The following MTHFD1L variants were observed in gnomAD, a reference collection of about 807,000 sequenced individuals.
MTHFD1L encodes the protein monofunctional C1-tetrahydrofolate synthase, mitochondrial.
A neutral mutation model predicts 119.5 loss-of-function variants in MTHFD1L; 81 were observed. That is an observed-to-expected ratio of 0.68 (90% CI 0.57 to 0.82). The LOEUF (loss-of-function observed/expected upper bound fraction) is 0.82. Among genes scored for constraint, MTHFD1L ranks in the 40% least tolerant of loss-of-function variants. The pLI is 0.00. For synonymous variants in MTHFD1L, 430 were observed against 475.2 expected (o/e 0.90, Z 1.24); for missense variants, 1,125 against 1,253.4 (o/e 0.90, Z 1.55).
chr6:151,015,803 T>C, intron 24 of MTHFD1L, 110 bp downstream of exon 24: 1 of 1,338,744 alleles, frequency 7.5e-7, no homozygotes. Context: ...TAGAAGAGTT[T>C]AGGCCCGGTG....
chr6:150,866,459 C>G, intron 1 of MTHFD1L: 1 of 1,321,178 alleles, frequency 7.6e-7, no homozygotes, highest in Non-Finnish European at 9.6e-7. Flanking sequence ...GGGGCTGCGG[C>G]TCGGCGCGCC....
chr6:150,996,346 TC>T (rs1247614623), intron 20 of MTHFD1L, among the ~76,000 whole-genome samples: 2 of 152,106 alleles, frequency 1.3e-5, no homozygotes, highest in Non-Finnish European at 2.9e-5. Context: ...AGGTCATCTT[TC>T]CTTTTTTTGC....
intron 26 of MTHFD1L, among the ~76,000 whole-genome samples, chr6:151,067,920 A>G (rs1413083714): frequency 6.6e-6 from 1 of 152,208 alleles, no homozygotes; most frequent in Non-Finnish European, 1.5e-5. Context: ...TGTCTCACGT[A>G]ATGCATGTGG....
intron 6 of MTHFD1L, among the ~76,000 whole-genome samples, chr6:150,885,984 A>T (rs766942555): frequency 3.3e-5 from 5 of 152,222 alleles, no homozygotes; most frequent in Non-Finnish European, 7.3e-5. Context: ...CATCTTATAA[A>T]TTAAAAGAGA....
intron 1 of MTHFD1L, among the ~76,000 whole-genome samples, chr6:150,869,507 C>T (rs1427527098): frequency 6.6e-6 from 1 of 152,138 alleles, no homozygotes; most frequent in African/African-American, 2.4e-5. Flanking sequence ...GACATGAACT[C>T]ATGCTTTCTT....
chr6:150,956,334 C>T (rs1382697708), intron 17 of MTHFD1L, among the ~76,000 whole-genome samples: 3 of 152,232 alleles, frequency 2.0e-5, no homozygotes, highest in Middle Eastern at 3.4e-3. Context: ...AAGAGCCACT[C>T]AGGGTATTCT....
At chr6:150,948,838 T>A (rs13191693) in intron 15 of MTHFD1L, among the ~76,000 whole-genome samples, 193 bp from the exon 16 acceptor site, 30,790 of 132,050 alleles carry the variant, frequency 0.23, 5,715 homozygotes, top group East Asian at 0.42. Context: ...ATGGGGTTTC[T>A]CCATGTTGGT....
chr6:151,016,296 T>C (rs545984730), intron 24 of MTHFD1L, among the ~76,000 whole-genome samples: 2 of 152,138 alleles, frequency 1.3e-5, no homozygotes, highest in East Asian at 1.9e-4. Flanking sequence ...TTCGTGAGGA[T>C]TGGGAAACCA....
At position 150,914,125 on chromosome 6, in the gene MTHFD1L, G is replaced by A. The variant is rs373088230; in HGVS notation, c.893-4452G>A. Reference sequence around the variant, plus strand: ...AGCCTGGGCGACAGAGCAACAGTCCGTCTCAAAAACAAAAAACAAAAATTA... The same window carrying A: ...AGCCTGGGCGACAGAGCAACAGTCCATCTCAAAAACAAAAAACAAAAATTA... On this transcript the variant is annotated intron_variant, in intron 8 of 27. Coordinates refer to ENST00000367321, the MANE Select transcript of MTHFD1L (RefSeq NM_015440.5). Among the ~76,000 whole-genome samples, 50 of 151,126 alleles carry A rather than the reference G, an allele frequency of 3.3e-4. No individual in the cohort carries two copies. In the East Asian group the frequency reaches 4.7e-3, roughly 14 times the overall value.
chr6:150,871,090 C>T (rs962395466), intron 1 of MTHFD1L, among the ~76,000 whole-genome samples: 5 of 142,608 alleles, frequency 3.5e-5, no homozygotes, highest in Non-Finnish European at 7.6e-5. Context: ...TATATATATA[C>T]ACACCTTAAT....
At chr6:150,903,207 T>TCC (rs1785350690) in intron 7 of MTHFD1L, among the ~76,000 whole-genome samples, 2 of 92,798 alleles carry the variant, frequency 2.2e-5, no homozygotes, top group African/African-American at 9.3e-5. Context: ...TGCAAAATTT[T>TCC]TTTTTTTTTT....
chr6:151,023,750 A>G (rs1231297786), intron 24 of MTHFD1L, among the ~76,000 whole-genome samples: 1 of 152,208 alleles, frequency 6.6e-6, no homozygotes, highest in Non-Finnish European at 1.5e-5. Context: ...ACTATGATGT[A>G]AGTTTCTAGA....
chr6:151,054,732 G>A (rs1468670870), intron 26 of MTHFD1L, among the ~76,000 whole-genome samples: 1 of 152,068 alleles, frequency 6.6e-6, no homozygotes, highest in African/African-American at 2.4e-5. Context: ...ATCCAAAAAA[G>A]ACCCATCAAA....
intron 19 of MTHFD1L, among the ~76,000 whole-genome samples, chr6:150,966,841 GA>G (rs1352016867): frequency 4.6e-5 from 7 of 151,972 alleles, no homozygotes; most frequent in Admixed American, 4.6e-4. Context: ...AAAGGGAATA[GA>G]AAAAAATGGG....
chr6:150,920,354 G>C (rs1421911283), intron 9 of MTHFD1L, among the ~76,000 whole-genome samples: 1 of 152,142 alleles, frequency 6.6e-6, no homozygotes, highest in African/African-American at 2.4e-5. Flanking sequence ...CATATAAGCT[G>C]AGTGTTCTCA....
chr6:150,976,735 G>A (rs1453527037), intron 20 of MTHFD1L, among the ~76,000 whole-genome samples: 1 of 152,186 alleles, frequency 6.6e-6, no homozygotes, highest in South Asian at 2.1e-4. Flanking sequence ...GGAAAGAAAC[G>A]TTTGCAAAGA....
intron 26 of MTHFD1L, among the ~76,000 whole-genome samples, chr6:151,077,296 G>GA (rs1174480577): frequency 6.6e-6 from 1 of 152,060 alleles, no homozygotes; most frequent in Non-Finnish European, 1.5e-5. Context: ...TTCAGAGGGG[G>GA]AAAAAACAAA....
chr6:150,936,339 G>A (rs767514499), intron 11 of MTHFD1L, among the ~76,000 whole-genome samples: 3 of 152,168 alleles, frequency 2.0e-5, no homozygotes, highest in African/African-American at 7.2e-5. Context: ...GGGGACTTTA[G>A]GGTCCCTTCT....
intron 17 of MTHFD1L, among the ~76,000 whole-genome samples, chr6:150,958,338 A>G (rs2128993026): frequency 6.6e-6 from 1 of 152,298 alleles, no homozygotes; most frequent in Admixed American, 6.5e-5. Context: ...CCTGTTAATG[A>G]ACATGTAGAG....
Sources: gnomAD v4.1 joint callset for allele counts (sites outside exome capture counted in the v4.1 genomes callset) on GRCh38, gnomAD v4.1.1 for gene constraint, MANE v1.5 for transcripts, NCBI Gene and HGNC (gene_info 2026-07-23, HGNC 2026-07-21) for gene names.